Variants in EPHX1 observed in about 807,000 individuals in gnomAD.
EPHX1 encodes epoxide hydrolase 1, also known as epoxide hydratase.
Under a neutral mutation model 43.2 loss-of-function variants are expected in EPHX1, and 40 were observed. That is an observed-to-expected ratio of 0.93 (90% CI 0.72 to 1.21). EPHX1 has a LOEUF of 1.21. Ranked by LOEUF, EPHX1 falls within the 50% of genes most tolerant of loss-of-function variation. The probability of loss-of-function intolerance (pLI) is 0.00; values close to 1 mark genes in which losing one functional copy is unlikely to be tolerated. For missense variants in EPHX1, 550 were observed against 570.4 expected (o/e 0.96, Z 0.36); for synonymous variants, 221 against 226.7 (o/e 0.98, Z 0.22).
In EPHX1 at chr1:225,831,699, G is replaced by A. The variant is rs1369512802; in HGVS notation, c.184-80G>A. On this transcript the variant is annotated intron_variant, in intron 2 of 8. Coordinates refer to ENST00000272167, the MANE Select transcript of EPHX1 (RefSeq NM_001136018.4). ...GTATCTTGTGGCTGCAGGGTTTGCT[G>A]TGTTTTCTGGAAACAGACTTTGCTC... 7.2e-5 allele frequency: 105 copies of A among 1,449,378 alleles called. 2 individuals are homozygous for A. The South Asian group carries it at 1.1e-3, about 15-fold the overall frequency. 89.8% of individuals were successfully genotyped at this position (1,449,378 alleles called of 1,614,324 possible).
At chr1:225,822,172 A>T (rs1239971543) in intron 1 of EPHX1, among the ~76,000 whole-genome samples, 1 of 152,172 alleles carries the variant, frequency 6.6e-6, no homozygotes, top group Non-Finnish European at 1.5e-5. Flanking sequence ...CCAAATGTTC[A>T]TCAAGTTCCC....
At chr1:225,823,204 T>C (rs1398841719) in intron 1 of EPHX1, among the ~76,000 whole-genome samples, 1 of 151,298 alleles carries the variant, frequency 6.6e-6, no homozygotes, top group Non-Finnish European at 1.5e-5. Context: ...TTATTACTTT[T>C]TTTTTTTTTT....
intron 6 of EPHX1, among the ~76,000 whole-genome samples, chr1:225,841,601 C>CTTTT (rs35827447): frequency 9.6e-6 from 1 of 104,430 alleles, no homozygotes; most frequent in Admixed American, 1.1e-4. Flanking sequence ...CTGTCCCAGC[C>CTTTT]TTTTTTTTTT....
intron 4 of EPHX1, 139 bp from the exon 5 acceptor site, chr1:225,839,078 A>G: frequency 1.4e-6 from 2 of 1,449,090 alleles, no homozygotes; most frequent in Non-Finnish European, 1.9e-6. Context: ...GGGCTCCAGG[A>G]TTCCTTCTTG....
intron 3 of EPHX1, 44 bp downstream of exon 3, chr1:225,832,003 G>C: frequency 6.3e-7 from 1 of 1,590,382 alleles, no homozygotes; most frequent in Non-Finnish European, 8.6e-7. Context: ...TATGTCATGA[G>C]AACAGCCTTC....
At chr1:225,841,603 T>C (rs1396472882) in intron 6 of EPHX1, among the ~76,000 whole-genome samples, 1 of 136,358 alleles carries the variant, frequency 7.3e-6, no homozygotes, top group African/African-American at 2.8e-5. Context: ...GTCCCAGCCT[T>C]TTTTTTTTTT....
At chr1:225,826,891 C>T (rs910901696) in intron 1 of EPHX1, among the ~76,000 whole-genome samples, 16 of 151,804 alleles carry the variant, frequency 1.1e-4, no homozygotes, top group African/African-American at 2.7e-4. Flanking sequence ...GACTCTAGGG[C>T]CTGAGGGTGG....
intron 3 of EPHX1, among the ~76,000 whole-genome samples, chr1:225,835,063 G>A (rs968621037): frequency 5.9e-5 from 9 of 152,164 alleles, no homozygotes; most frequent in Non-Finnish European, 1.2e-4. Context: ...TGGCATCTAA[G>A]CTGAAATGAG....
chr1:225,832,051 G>A, intron 3 of EPHX1, 92 bp downstream of exon 3: 1 of 1,407,728 alleles, frequency 7.1e-7, no homozygotes, highest in Non-Finnish European at 9.9e-7. Context: ...AAGTTGGAGA[G>A]ATTCAGAACC....
rs1471133801 is a variant in EPHX1, at chr1:225,818,038, A to T, written c.-6+7869A>T. Among the ~76,000 whole-genome samples, 3 of 152,284 alleles carry T rather than the reference A, an allele frequency of 2.0e-5. No homozygotes were observed. In the South Asian group the frequency reaches 6.2e-4, roughly 32 times the overall value. ...AAACCCTGATATTTGTAGTGCGCCT[A>T]GGATACTGGTTCTCCAGTCTTCTTT... On this transcript the variant is annotated intron_variant, in intron 1 of 8. Transcript: ENST00000272167.
chr1:225,834,099 AAAAAAAAAAAAAG>A (rs1319531752), intron 3 of EPHX1, among the ~76,000 whole-genome samples: 19 of 82,062 alleles, frequency 2.3e-4, no homozygotes, highest in East Asian at 5.0e-4. Flanking sequence ...CTCTGTCTCA[AAAAAAAAAAAAAG>A]AAAAAAAAAA....
At position 225,832,492 on chromosome 1, in the gene EPHX1, G is replaced by A. The variant is rs191785810; in HGVS notation, c.364+533G>A. On this transcript the variant is annotated intron_variant, in intron 3 of 8. Transcript: ENST00000272167. ...GGAGGTTGCAGTGAGCCAAGATCGC[G>A]CCACTGCACTCCAGCCTGGGCTCCA... 3.5e-3 allele frequency among the ~76,000 whole-genome samples: 532 copies of A among 152,358 alleles called. 13 individuals are homozygous for A. The highest frequency in any genetic ancestry group is 0.031 in the Admixed American group (479 of 15,300).
At chr1:225,816,816 C>CG (rs753381063) in intron 1 of EPHX1, among the ~76,000 whole-genome samples, 39 of 152,334 alleles carry the variant, frequency 2.6e-4, no homozygotes, top group Non-Finnish European at 4.7e-4. Flanking sequence ...TAACTGCCCG[C>CG]GGGCTGGCTC....
intron 6 of EPHX1, among the ~76,000 whole-genome samples, chr1:225,841,665 G>A (rs558708324): frequency 5.0e-4 from 70 of 139,866 alleles, no homozygotes; most frequent in Admixed American, 2.3e-3. Context: ...GCAGTGGTAC[G>A]ATCTCGGCTC....
At chr1:225,844,162 A>C (rs1668690133) in intron 7 of EPHX1, among the ~76,000 whole-genome samples, 1 of 152,118 alleles carries the variant, frequency 6.6e-6, no homozygotes, top group Non-Finnish European at 1.5e-5. Context: ...GTATGTGGTC[A>C]CCACAGTAGC....
chr1:225,842,549 G>A (rs1668518126), intron 7 of EPHX1, 75 bp downstream of exon 7: 1 of 1,086,002 alleles, frequency 9.2e-7, no homozygotes, highest in East Asian at 2.4e-5. Context: ...TCATCCCCTT[G>A]TCTGGTTGCT....
At chr1:225,834,580 C>CA (rs1420844078) in intron 3 of EPHX1, among the ~76,000 whole-genome samples, 11 of 91,442 alleles carry the variant, frequency 1.2e-4, no homozygotes, top group Non-Finnish European at 1.0e-4. Flanking sequence ...GGAGCTCAGC[C>CA]AAGAACACTA....
At chr1:225,842,963 A>C (rs1309953072) in intron 7 of EPHX1, among the ~76,000 whole-genome samples, 1 of 152,194 alleles carries the variant, frequency 6.6e-6, no homozygotes, top group Non-Finnish European at 1.5e-5. Context: ...AGGCTTCACC[A>C]AGGTCAGCTC....
At chr1:225,829,690 G>A (rs1667470256) in intron 2 of EPHX1, among the ~76,000 whole-genome samples, 1 of 152,172 alleles carries the variant, frequency 6.6e-6, no homozygotes, top group Non-Finnish European at 1.5e-5. Context: ...CCCAGTGAGT[G>A]CTTGGGAGAA....
Sources: allele counts gnomAD v4.1 joint callset (sites outside exome capture counted in the v4.1 genomes callset), GRCh38; gene constraint gnomAD v4.1.1; transcripts MANE v1.5; gene names NCBI Gene and HGNC (gene_info 2026-07-23, HGNC 2026-07-21).